HSF5: variants seen among roughly 807,000 people sequenced by gnomAD.
HSF5 encodes heat shock factor protein 5.
Under a neutral mutation model 50.8 loss-of-function variants are expected in HSF5, and 5 were observed. The observed-to-expected ratio is 0.10, with a 90% confidence interval of 0.05 to 0.21. HSF5 has a LOEUF of 0.21. Ranked by LOEUF, HSF5 falls within the 10% of genes least tolerant of loss-of-function variation. The pLI, the probability that HSF5 is intolerant of heterozygous loss-of-function variation, is 1.00. For synonymous variants in HSF5, 307 were observed against 307.4 expected (o/e 1.00, Z 0.02); for missense variants, 564 against 762.6 (o/e 0.74, Z 3.07).
rs967597453 is a variant in HSF5, at chr17:58,478,687, C to G, written c.925+1206G>C. Among the ~76,000 whole-genome samples, 9 of 151,268 alleles carry G rather than the reference C, an allele frequency of 5.9e-5. No homozygotes were observed. In the East Asian group the frequency reaches 1.8e-3, roughly 29 times the overall value. ...GACCAGCCTGTCCCACATGGTGAAA[C>G]CCTGTCTCTACTAAAAATACAAAAA... is the stretch of plus-strand genomic sequence containing the variant. On this transcript the variant is annotated intron_variant, in intron 2 of 5. Coordinates refer to ENST00000323777, the MANE Select transcript of HSF5 (RefSeq NM_001080439.3).
chr17:58,487,275 T>C (rs1975198142), intron 1 of HSF5, among the ~76,000 whole-genome samples: 1 of 152,238 alleles, frequency 6.6e-6, no homozygotes, highest in Non-Finnish European at 1.5e-5. Context: ...GACTCCACTC[T>C]GCTTCCCACG....
chr17:58,478,310 C>T (rs1456070499), intron 2 of HSF5, among the ~76,000 whole-genome samples: 2 of 146,024 alleles, frequency 1.4e-5, no homozygotes, highest in East Asian at 4.0e-4. Flanking sequence ...TACACACACA[C>T]ATACACACAC....
chr17:58,438,881 C>T (rs1974461746), intron 5 of HSF5, among the ~76,000 whole-genome samples: 1 of 151,908 alleles, frequency 6.6e-6, no homozygotes, highest in Non-Finnish European at 1.5e-5. Flanking sequence ...CTTTGGGAGG[C>T]TAAGTTGGGA....
Position 58,421,718 on chromosome 17 carries a change from T to C in HSF5, c.*642A>G, listed in dbSNP as rs1455728118. 1 of 152,508 alleles carries C rather than the reference T, an allele frequency of 6.6e-6. No homozygotes were observed. Among genetic ancestry groups the C allele is most frequent in the Non-Finnish European group, 1.5e-5 (1 of 68,024 alleles). 9.4% of individuals were successfully genotyped at this position (152,508 alleles called of 1,614,324 possible). On this transcript the variant is annotated 3_prime_UTR_variant, in exon 6 of 6. Coordinates refer to ENST00000323777, the MANE Select transcript of HSF5 (RefSeq NM_001080439.3). ...AAATAGAAGAATGCTTCCATTAATA[T>C]AAAAGAATCAGGGGCTGTTAAGTGT...
chr17:58,466,852 C>T lies in HSF5; in HGVS notation c.1020+33G>A, dbSNP rs771532436. On this transcript the variant is annotated intron_variant, in intron 3 of 5. Coordinates refer to ENST00000323777, the MANE Select transcript of HSF5 (RefSeq NM_001080439.3). ...AATATCGATAAAATTGCACATAAAG[C>T]GCGGAGCATGGCCACAGTTGCAAGA... The T allele has an allele frequency of 8.4e-6, 11 of 1,303,316 alleles. No homozygotes were observed. In the East Asian group the frequency reaches 9.2e-5, roughly 11 times the overall value. The allele number at this position is 1,303,316 out of a possible 1,614,324, so 80.7% of individuals were successfully genotyped here.
At chr17:58,429,842 T>TTAA (rs71365884) in intron 5 of HSF5, among the ~76,000 whole-genome samples, 3 of 133,682 alleles carry the variant, frequency 2.2e-5, no homozygotes, top group African/African-American at 2.8e-5. Flanking sequence ...CAAGACTCTG[T>TTAA]AAAAAAAAAA....
At position 58,488,026 on chromosome 17, in the gene HSF5, C is replaced by T. The variant is rs1975215699; in HGVS notation, c.249G>A (p.Gln83=). 2 of 1,607,896 alleles carry T rather than the reference C, an allele frequency of 1.2e-6. No homozygotes were observed. Among genetic ancestry groups the T allele is most frequent in the Non-Finnish European group, 1.7e-6 (2 of 1,178,424 alleles). ...KTTSFTSFIR[Q]LNLYGFRKVV... The stretch of plus-strand genomic sequence containing the variant: ...CCTTGCGGAAGCCGTAGAGGTTGAG[C>T]TGGCGGATGAAGCTGGTGAAGCTGG... The change falls in exon 1 of 6, where the codon CAG becomes CAA. Residue 83 remains glutamine, a synonymous_variant. Coordinates refer to ENST00000323777, the MANE Select transcript of HSF5 (RefSeq NM_001080439.3). This position sits in a 1 kb window ranked among gnomAD's most constrained non-coding sequence, Gnocchi z 4.1.
At chr17:58,428,397 C>T (rs572657620) in intron 5 of HSF5, among the ~76,000 whole-genome samples, 62 of 152,114 alleles carry the variant, frequency 4.1e-4, no homozygotes, top group African/African-American at 1.5e-3. Context: ...CGGTGGCTCA[C>T]GTCTGTAATC....
intron 5 of HSF5, among the ~76,000 whole-genome samples, chr17:58,433,970 G>A (rs1384846637): frequency 7.3e-6 from 1 of 136,120 alleles, no homozygotes; most frequent in Non-Finnish European, 1.5e-5. Context: ...CTGAAGTGCA[G>A]TGGCGTGTTC....
At chr17:58,482,401 C>G (rs903788497) in intron 1 of HSF5, among the ~76,000 whole-genome samples, 19 of 151,982 alleles carry the variant, frequency 1.3e-4, no homozygotes, top group African/African-American at 4.6e-4. Context: ...AATTTCAGAC[C>G]AGCATGGGCA....
intron 5 of HSF5, among the ~76,000 whole-genome samples, chr17:58,434,318 C>G (rs947251820): frequency 3.9e-5 from 6 of 152,046 alleles, no homozygotes; most frequent in Non-Finnish European, 7.4e-5. Flanking sequence ...TGGCTCATGC[C>G]TATAATCCCA....
chr17:58,477,837 AT>A (rs1361593201), intron 2 of HSF5, among the ~76,000 whole-genome samples: 1 of 151,990 alleles, frequency 6.6e-6, no homozygotes, highest in Non-Finnish European at 1.5e-5. Flanking sequence ...AAATAAAAAA[AT>A]ATTTTAGCTT....
Position 58,473,573 on chromosome 17 carries a change from A to G in HSF5, c.925+6320T>C, listed in dbSNP as rs975634166. Among the ~76,000 whole-genome samples, 7 of 152,326 alleles carry G rather than the reference A, an allele frequency of 4.6e-5. No homozygotes were observed. The East Asian group carries it at 1.3e-3, about 29-fold the overall frequency. On this transcript the variant is annotated intron_variant, in intron 2 of 5. Coordinates refer to ENST00000323777, the MANE Select transcript of HSF5 (RefSeq NM_001080439.3). ...GAATTCTAGATAAAGCAAGAATAAA[A>G]AGAGTCAACTAATGCTGGATCTACA...
chr17:58,463,752 C>T (rs1254068997), intron 3 of HSF5, among the ~76,000 whole-genome samples: 3 of 152,228 alleles, frequency 2.0e-5, no homozygotes, highest in Admixed American at 1.3e-4. Flanking sequence ...ATTCAGGGAG[C>T]GGTACTAATA....
At chr17:58,454,349 C>T (rs1974681198) in intron 5 of HSF5, among the ~76,000 whole-genome samples, 4 of 152,104 alleles carry the variant, frequency 2.6e-5, no homozygotes, top group African/African-American at 9.7e-5. Context: ...ACGATAAAGG[C>T]CCTGTATGAC....
At position 58,480,762 on chromosome 17, in the gene HSF5, G is replaced by GCTATCTATCTATCTATCTAT. The variant is rs59278255; in HGVS notation, c.551-515_551-496dup. Among the ~76,000 whole-genome samples, 531 of 146,486 alleles carry GCTATCTATCTATCTATCTAT rather than the reference G, an allele frequency of 3.6e-3. 3 individuals carry two copies. The highest frequency in any genetic ancestry group is 4.6e-3 in the African/African-American group (183 of 39,420). On this transcript the variant is annotated intron_variant, in intron 1 of 5. Transcript: ENST00000323777. ...GATAAAAAAAAAAGTAACGCTCTTT[G>GCTATCTATCTATCTATCTAT]CTATCTATCTATCTATCTATCTATC...
At chr17:58,439,308 A>C (rs1032144214) in intron 5 of HSF5, among the ~76,000 whole-genome samples, 6 of 151,512 alleles carry the variant, frequency 4.0e-5, no homozygotes, top group African/African-American at 4.8e-5. Context: ...AAAAAAAAAA[A>C]CCAGAAAGAA....
Position 58,462,774 on chromosome 17 carries a change from C to A in HSF5, c.1542+8G>T. ...GCTTTATAAGCATTTTTTTCTTTGC[C>A]CCCTTACCTGGTGTGTGCTGAATGG... On this transcript the variant is annotated splice_region_variant and intron_variant, in intron 4 of 5. Coordinates refer to ENST00000323777, the MANE Select transcript of HSF5 (RefSeq NM_001080439.3). 1 of 1,567,170 alleles carries A rather than the reference C, an allele frequency of 6.4e-7. No homozygotes were observed. Among genetic ancestry groups the A allele is most frequent in the Non-Finnish European group, 8.6e-7 (1 of 1,160,790 alleles).
chr17:58,431,506 T>C, intron 5 of HSF5, among the ~76,000 whole-genome samples: 1 of 152,206 alleles, frequency 6.6e-6, no homozygotes, highest in East Asian at 1.9e-4. Flanking sequence ...GGACCACTGT[T>C]CCATATATAT....
Sources: allele counts gnomAD v4.1 joint callset (sites outside exome capture counted in the v4.1 genomes callset), GRCh38; gene constraint gnomAD v4.1.1; non-coding constraint Gnocchi (gnomAD v3.1); transcripts MANE v1.5; gene names NCBI Gene and HGNC (gene_info 2026-07-23, HGNC 2026-07-21).